Variants in HIVEP3 observed in about 807,000 individuals in gnomAD.
HIVEP3 encodes the protein transcription factor HIVEP3.
In HIVEP3, 49 loss-of-function variants were observed where a neutral mutation model predicts 152.8. The ratio of observed to expected loss-of-function variants is 0.32; its 90% CI spans 0.26 to 0.41. The LOEUF is 0.41. Among genes scored for constraint, HIVEP3 ranks in the 10% least tolerant of loss-of-function variants. HIVEP3 has a pLI of 1.00. For missense variants in HIVEP3, 2,790 were observed against 3,103.3 expected, an observed-to-expected ratio of 0.90 and a Z score of 2.40; for synonymous variants, 1,269 against 1,289.0, an observed-to-expected ratio of 0.98 and a Z score of 0.33.
chr1:41,885,203 C>T (rs1644325453), intron 1 of HIVEP3, among the ~76,000 whole-genome samples: 1 of 152,274 alleles, frequency 6.6e-6, no homozygotes, highest in South Asian at 2.1e-4. Flanking sequence ...AGAAAAAATA[C>T]CAAGTTCTGA....
At chr1:41,765,614 G>A (rs1300857972) in intron 1 of HIVEP3, among the ~76,000 whole-genome samples, 3 of 152,138 alleles carry the variant, frequency 2.0e-5, no homozygotes, top group African/African-American at 7.2e-5. Flanking sequence ...TACTGTATTG[G>A]TAAATTTAAG....
At chr1:41,631,153 G>A (rs543932734) in intron 2 of HIVEP3, among the ~76,000 whole-genome samples, 9 of 152,344 alleles carry the variant, frequency 5.9e-5, no homozygotes, top group South Asian at 4.1e-4. Context: ...TATCCACGCC[G>A]TGCTCTTTGG....
intron 3 of HIVEP3, among the ~76,000 whole-genome samples, chr1:41,627,083 C>T (rs1645128326): frequency 6.6e-6 from 1 of 152,212 alleles, no homozygotes; most frequent in Admixed American, 6.5e-5. Flanking sequence ...TTCAGCCTGA[C>T]CTCAGGGACA....
intron 1 of HIVEP3, among the ~76,000 whole-genome samples, chr1:41,906,848 T>C (rs922496417): frequency 6.1e-5 from 8 of 130,738 alleles, no homozygotes; most frequent in South Asian, 2.7e-4. Flanking sequence ...TTTTTTTTTT[T>C]CTCTCTCTCT....
rs1180284181 is a variant in HIVEP3 at position 41,752,600 on chromosome 1, C to T, written c.-800-51605G>A. On this transcript the variant is annotated intron_variant, in intron 1 of 8. Transcript: ENST00000372583. The stretch of plus-strand genomic sequence containing the variant: ...GTTCTCAAAGTATGGTTCCTGAACC[C>T]GGAGCATCAGCGTCATCTGGGAACT... Among the ~76,000 whole-genome samples, 6 of 152,168 alleles carry T rather than the reference C, an allele frequency of 3.9e-5. No homozygotes were observed. In the South Asian group the frequency reaches 8.3e-4, roughly 21 times the overall value.
intron 1 of HIVEP3, among the ~76,000 whole-genome samples, chr1:41,771,289 C>G (rs12134879): frequency 0.33 from 49,536 of 151,994 alleles, 8,885 homozygotes; most frequent in East Asian, 0.47. Context: ...CACCTCCCCC[C>G]ACCCCCAAAA....
intron 1 of HIVEP3, among the ~76,000 whole-genome samples, chr1:41,865,263 T>A (rs559375348): frequency 6.6e-6 from 1 of 152,206 alleles, no homozygotes; most frequent in African/African-American, 2.4e-5. Flanking sequence ...AAGGATCAGA[T>A]GGGACAGACA....
chr1:41,879,242 C>T (rs1037941439), intron 1 of HIVEP3, among the ~76,000 whole-genome samples: 5 of 152,228 alleles, frequency 3.3e-5, no homozygotes, highest in African/African-American at 1.2e-4. Flanking sequence ...AGAGGTCTCC[C>T]TTTCAGCACA....
At chr1:41,757,537 C>G (rs1401037800) in intron 1 of HIVEP3, among the ~76,000 whole-genome samples, 1 of 152,052 alleles carries the variant, frequency 6.6e-6, no homozygotes, top group Non-Finnish European at 1.5e-5. Context: ...GCGCTCCAGC[C>G]TGGGCAACAG....
intron 2 of HIVEP3, among the ~76,000 whole-genome samples, chr1:41,683,805 G>A (rs1646075778): frequency 6.6e-6 from 1 of 152,158 alleles, no homozygotes; most frequent in Non-Finnish European, 1.5e-5. Context: ...TCAGGACCTG[G>A]AGGCAGCCCT....
chr1:41,798,414 T>G (rs1055864475), intron 1 of HIVEP3, among the ~76,000 whole-genome samples: 3 of 152,212 alleles, frequency 2.0e-5, no homozygotes, highest in African/African-American at 7.2e-5. Context: ...CCCTTTGCAC[T>G]GATGCCAAGC....
chr1:41,565,201 A>G (rs1644141891), intron 5 of HIVEP3, among the ~76,000 whole-genome samples: 1 of 152,208 alleles, frequency 6.6e-6, no homozygotes, highest in Admixed American at 6.5e-5. Context: ...ATTATTTATG[A>G]TACAACACTA....
intron 1 of HIVEP3, among the ~76,000 whole-genome samples, chr1:41,806,736 G>T (rs1302123083): frequency 6.6e-5 from 10 of 152,194 alleles, no homozygotes; most frequent in African/African-American, 2.4e-4. Flanking sequence ...CGCAGGGCCG[G>T]GGCCAGCGGG....
At chr1:41,655,280 C>T (rs1271111043) in intron 2 of HIVEP3, among the ~76,000 whole-genome samples, 1 of 152,050 alleles carries the variant, frequency 6.6e-6, no homozygotes, top group Non-Finnish European at 1.5e-5. Flanking sequence ...CTCTGACCAT[C>T]CTACAGCAAA....
At chr1:41,849,067 AG>A (rs1176087786) in intron 1 of HIVEP3, 1 of 152,362 alleles carries the variant, frequency 6.6e-6, no homozygotes, top group Non-Finnish European at 1.5e-5. Context: ...TGGGCAACAC[AG>A]GAACAAATCC....
intron 5 of HIVEP3, chr1:41,542,671 G>C (rs1643560355): frequency 6.6e-6 from 1 of 152,332 alleles, no homozygotes; most frequent in Admixed American, 6.5e-5. Context: ...GGCAGTGCAA[G>C]GGGATGATGG....
intron 5 of HIVEP3, among the ~76,000 whole-genome samples, chr1:41,550,914 T>C (rs1300684237): frequency 6.6e-6 from 1 of 152,244 alleles, no homozygotes; most frequent in Non-Finnish European, 1.5e-5. Flanking sequence ...AACACTATGT[T>C]GAATAGGAGT....
chr1:41,944,242 G>A (rs1645062722), intron 1 of HIVEP3, among the ~76,000 whole-genome samples: 1 of 152,202 alleles, frequency 6.6e-6, no homozygotes, highest in Non-Finnish European at 1.5e-5. Context: ...CCGCTGAACT[G>A]TATGCTTAAC....
chr1:41,887,341 T>C (rs1329611640), intron 1 of HIVEP3, among the ~76,000 whole-genome samples: 1 of 152,248 alleles, frequency 6.6e-6, no homozygotes, highest in Non-Finnish European at 1.5e-5. Flanking sequence ...TAAATAAATA[T>C]TCACCATGGT....
Sources: gnomAD v4.1 joint callset for allele counts (sites outside exome capture counted in the v4.1 genomes callset) on GRCh38, gnomAD v4.1.1 for gene constraint, MANE v1.5 for transcripts, NCBI Gene and HGNC (gene_info 2026-07-23, HGNC 2026-07-21) for gene names.